Variants in DGKH observed in about 807,000 individuals in gnomAD.
DGKH encodes the protein DAG kinase eta.
Under a neutral mutation model 159.3 loss-of-function variants are expected in DGKH, and 90 were observed. That is an observed-to-expected ratio of 0.57 (90% CI 0.48 to 0.67). The LOEUF is 0.67. Ranked by LOEUF, DGKH falls within the 30% of genes least tolerant of loss-of-function variation. DGKH has a pLI of 0.00. For synonymous variants in DGKH, 536 were observed against 553.8 expected (o/e 0.97, Z 0.45); for missense variants, 1,181 against 1,506.1 (o/e 0.78, Z 3.57).
chr13:42,182,657 CT>C (rs1475665493), intron 13 of DGKH, among the ~76,000 whole-genome samples: 1 of 152,028 alleles, frequency 6.6e-6, no homozygotes, highest in African/African-American at 2.4e-5. Flanking sequence ...AATCTGTTTT[CT>C]TTTTCAAATG....
chr13:42,199,700 G>A, intron 19 of DGKH, 24 bp downstream of exon 19: 1 of 1,563,862 alleles, frequency 6.4e-7, no homozygotes. Flanking sequence ...AAGTAATAAT[G>A]CTATTACATA....
At chr13:42,209,231 A>T in intron 22 of DGKH, 100 bp from the exon 23 acceptor site, 7 of 1,471,088 alleles carry the variant, frequency 4.8e-6, no homozygotes, top group Non-Finnish European at 6.4e-6. Context: ...AAAGCATAAT[A>T]GTCTATTCTG....
intron 1 of DGKH, among the ~76,000 whole-genome samples, chr13:42,073,622 C>T (rs1218181653): frequency 2.0e-5 from 3 of 152,068 alleles, no homozygotes; most frequent in Non-Finnish European, 2.9e-5. Context: ...AAAGCTAAGC[C>T]GTGATATTTG....
intron 1 of DGKH, chr13:42,070,974 A>G: frequency 4.6e-6 from 6 of 1,317,692 alleles, no homozygotes; most frequent in South Asian, 2.4e-5. Context: ...TGTCACAATC[A>G]TTGTCTACAG....
downstream of DGKH, among the ~76,000 whole-genome samples, chr13:42,243,509 A>T (rs1045810909): frequency 3.3e-5 from 5 of 152,240 alleles, no homozygotes; most frequent in Admixed American, 2.6e-4. Context: ...ATCTGTGAAT[A>T]GCCCTTTAAA....
chr13:42,155,594 G>A, intron 4 of DGKH, 73 bp from the exon 5 acceptor site: 4 of 1,600,684 alleles, frequency 2.5e-6, no homozygotes, highest in Admixed American at 1.7e-5. Flanking sequence ...ATAACTATAT[G>A]CATTCCAAAC....
At chr13:42,207,693 G>GTATATAAA (rs368253963) in intron 21 of DGKH, among the ~76,000 whole-genome samples, 1 of 126,534 alleles carries the variant, frequency 7.9e-6, no homozygotes, top group Non-Finnish European at 1.7e-5. Context: ...TTATTAAAGT[G>GTATATAAA]TGTATATATA....
At chr13:42,179,961 A>G (rs1365344838) in intron 13 of DGKH, among the ~76,000 whole-genome samples, 1 of 152,210 alleles carries the variant, frequency 6.6e-6, no homozygotes, top group Non-Finnish European at 1.5e-5. Flanking sequence ...TGTGAAATAT[A>G]TGAAAGGTAG....
At chr13:42,256,108 AG>A in intron 30 of DGKH, 1 of 1,193,666 alleles carries the variant, frequency 8.4e-7, no homozygotes, top group South Asian at 1.2e-5. Flanking sequence ...GTATCATGCC[AG>A]GCAAGGTGAA....
At chr13:42,173,223 A>G (rs1213408192) in intron 11 of DGKH, among the ~76,000 whole-genome samples, 2 of 151,386 alleles carry the variant, frequency 1.3e-5, no homozygotes, top group Non-Finnish European at 2.9e-5. Flanking sequence ...CATTCACTTC[A>G]GTCTCCCAAA....
chr13:42,209,297 G>A (rs1391715354), intron 22 of DGKH, 34 bp from the exon 23 acceptor site: 1 of 1,591,604 alleles, frequency 6.3e-7, no homozygotes, highest in African/African-American at 1.3e-5. Context: ...TTCTCTGGAT[G>A]ATTTGTACTC....
intron 25 of DGKH, 66 bp downstream of exon 25, chr13:42,214,678 C>A: frequency 6.7e-7 from 1 of 1,485,454 alleles, no homozygotes; most frequent in Admixed American, 1.9e-5. Flanking sequence ...TATTTTAATA[C>A]TGTAAAATAT....
chr13:42,088,222 CTG>C (rs1594010205), intron 1 of DGKH, among the ~76,000 whole-genome samples: 2 of 152,066 alleles, frequency 1.3e-5, no homozygotes, highest in South Asian at 4.1e-4. Flanking sequence ...CAAACAAAAA[CTG>C]TGAGAATTTA....
chr13:42,182,410 A>G (rs1956789179), intron 13 of DGKH, among the ~76,000 whole-genome samples: 1 of 151,994 alleles, frequency 6.6e-6, no homozygotes, highest in Admixed American at 6.6e-5. Context: ...CTCCCTCTCT[A>G]TCCATGGGGG....
intron 16 of DGKH, among the ~76,000 whole-genome samples, chr13:42,190,948 C>T (rs918219967): frequency 2.6e-5 from 4 of 152,152 alleles, no homozygotes; most frequent in African/African-American, 9.7e-5. Flanking sequence ...TTCAGCAGTC[C>T]CTTAAGTTCC....
chr13:42,215,374 G>A (rs1180615794), intron 25 of DGKH, among the ~76,000 whole-genome samples: 2 of 151,738 alleles, frequency 1.3e-5, no homozygotes, highest in African/African-American at 2.4e-5. Flanking sequence ...CACTGTAATC[G>A]GTGCATTCTT....
intron 1 of DGKH, among the ~76,000 whole-genome samples, chr13:42,040,773 G>C (rs1038481309): frequency 3.4e-5 from 5 of 148,356 alleles, no homozygotes; most frequent in Non-Finnish European, 6.0e-5. Context: ...CGGCGGCGGC[G>C]GCCGAGAGGG....
intron 3 of DGKH, among the ~76,000 whole-genome samples, chr13:42,143,576 A>C (rs1306696867): frequency 6.6e-6 from 1 of 151,960 alleles, no homozygotes; most frequent in Admixed American, 6.6e-5. Context: ...TCAATTTCAG[A>C]GCCTGTTATT....
intron 16 of DGKH, among the ~76,000 whole-genome samples, chr13:42,192,420 T>C (rs893434788): frequency 4.6e-5 from 7 of 152,178 alleles, no homozygotes; most frequent in Non-Finnish European, 1.0e-4. Flanking sequence ...TTATGAATGA[T>C]AGTTTGACAG....
Sources: gnomAD v4.1 joint callset for allele counts (sites outside exome capture counted in the v4.1 genomes callset) on GRCh38, gnomAD v4.1.1 for gene constraint, MANE v1.5 for transcripts, NCBI Gene and HGNC (gene_info 2026-07-23, HGNC 2026-07-21) for gene names.